EXOC4: variants seen among roughly 807,000 people sequenced by gnomAD.
EXOC4 encodes the protein exocyst complex component 4.
A neutral mutation model predicts 107.2 loss-of-function variants in EXOC4; 71 were observed. The ratio of observed to expected loss-of-function variants is 0.66; its 90% CI spans 0.55 to 0.81. The LOEUF is 0.81. Among genes scored for constraint, EXOC4 ranks in the 30% least tolerant of loss-of-function variants. The pLI, the probability that EXOC4 is intolerant of heterozygous loss-of-function variation, is 0.00. For synonymous variants in EXOC4, 456 were observed against 441.2 expected (o/e 1.03, Z -0.42); for missense variants, 1,108 against 1,189.6 (o/e 0.93, Z 1.01).
chr7:133,429,179 A>G (rs773750781), intron 7 of EXOC4, among the ~76,000 whole-genome samples: 2 of 152,224 alleles, frequency 1.3e-5, no homozygotes, highest in East Asian at 1.9e-4. Context: ...GTCTTAGAAT[A>G]TTAGAGAAAG....
chr7:133,256,754 T>G (rs926253763), intron 1 of EXOC4, among the ~76,000 whole-genome samples: 2 of 152,222 alleles, frequency 1.3e-5, no homozygotes, highest in African/African-American at 4.8e-5. Flanking sequence ...GCATTTATTG[T>G]TAGTCATTTT....
rs1413153437 is a variant in EXOC4 at position 133,355,547 on chromosome 7, C to G, written c.764-783C>G. 2.0e-5 allele frequency among the ~76,000 whole-genome samples: 3 copies of G among 152,094 alleles called. No homozygotes were observed. In the East Asian group the frequency reaches 5.8e-4, roughly 29 times the overall value. ...TCCTATCAGCAGTTCTCCCCTCTCT[C>G]CAACTTGCCACAGGGGTTAAAAACT... On this transcript the variant is annotated intron_variant, in intron 5 of 17. Transcript: ENST00000253861.
the EXOC4 span, among the ~76,000 whole-genome samples, chr7:134,077,886 T>G: frequency 1.3e-4 from 20 of 152,340 alleles, no homozygotes; most frequent in African/African-American, 4.3e-4. Flanking sequence ...TTGAAGTCAC[T>G]AGTTACAGAG....
intron 10 of EXOC4, among the ~76,000 whole-genome samples, chr7:133,699,100 G>T (rs956752134): frequency 6.6e-6 from 1 of 152,098 alleles, no homozygotes; most frequent in African/African-American, 2.4e-5. Flanking sequence ...CAGTAAAGAG[G>T]ATAGTTCGAA....
At chr7:134,098,594 G>T in the EXOC4 span, among the ~76,000 whole-genome samples, 12 of 152,190 alleles carry the variant, frequency 7.9e-5, no homozygotes, top group Non-Finnish European at 1.6e-4. Flanking sequence ...CAGTACTTCA[G>T]GGGTAGCAGT....
intron 11 of EXOC4, among the ~76,000 whole-genome samples, chr7:133,835,569 G>A (rs1331333789): frequency 1.3e-5 from 2 of 152,192 alleles, no homozygotes; most frequent in Non-Finnish European, 2.9e-5. Flanking sequence ...AGAATGGGAG[G>A]CAGGTTTGCC....
At chr7:134,053,012 A>G (rs1795832859) in intron 17 of EXOC4, among the ~76,000 whole-genome samples, 2 of 152,194 alleles carry the variant, frequency 1.3e-5, no homozygotes, top group African/African-American at 2.4e-5. Context: ...ATTGTATGCC[A>G]TACTTAATGA....
intron 10 of EXOC4, among the ~76,000 whole-genome samples, chr7:133,805,331 C>A (rs2542273): frequency 6.6e-6 from 1 of 152,032 alleles, no homozygotes; most frequent in African/African-American, 2.4e-5. Flanking sequence ...AGAAATAGAC[C>A]ACATGATCAT....
intron 9 of EXOC4, among the ~76,000 whole-genome samples, chr7:133,556,444 T>A (rs1445193144): frequency 6.6e-6 from 1 of 152,208 alleles, no homozygotes; most frequent in African/African-American, 2.4e-5. Flanking sequence ...GTTCAGTTCC[T>A]TATTGTTTCT....
chr7:133,253,128 A>T lies in EXOC4; in HGVS notation c.27A>T (p.Lys9Asn). MAAEAAGG[K>N]YRSTVSKSKD... ...TGGCGGCAGAAGCAGCTGGTGGGAAATACAGAAGCACAGTCAGCAAAAGCA... is the reference window on the plus strand; with the variant it reads ...TGGCGGCAGAAGCAGCTGGTGGGAATTACAGAAGCACAGTCAGCAAAAGCA... Residue 9 changes from lysine (K) to asparagine (N), a missense_variant, in exon 1 of 18, where the codon AAA (lysine) becomes AAT (asparagine). Lys to Asn is a moderately conservative substitution (Grantham distance 94). Coordinates refer to ENST00000253861, the MANE Select transcript of EXOC4 (RefSeq NM_021807.4). The T allele has an allele frequency of 1.2e-6, 2 of 1,614,192 alleles. No homozygotes were observed. The highest frequency in any genetic ancestry group is 8.5e-7 in the Non-Finnish European group (1 of 1,180,016).
intron 10 of EXOC4, among the ~76,000 whole-genome samples, chr7:133,714,942 A>G (rs935611995): frequency 1.3e-5 from 2 of 152,060 alleles, no homozygotes; most frequent in African/African-American, 2.4e-5. Context: ...CTGTGGTATG[A>G]TGGGGTAGGT....
chr7:133,569,174 T>C (rs1331975347), intron 9 of EXOC4, among the ~76,000 whole-genome samples: 2 of 151,978 alleles, frequency 1.3e-5, no homozygotes, highest in African/African-American at 4.8e-5. Flanking sequence ...AAGGCCAGAT[T>C]AATAATTAAG....
chr7:133,337,464 T>G (rs2150617739), intron 5 of EXOC4, among the ~76,000 whole-genome samples: 1 of 152,236 alleles, frequency 6.6e-6, no homozygotes, highest in Non-Finnish European at 1.5e-5. Context: ...TTTAAGCATT[T>G]TTGTCTCTAG....
intron 5 of EXOC4, among the ~76,000 whole-genome samples, chr7:133,330,270 C>G (rs1012043375): frequency 7.4e-4 from 113 of 152,092 alleles, no homozygotes; most frequent in African/African-American, 2.6e-3. Context: ...ACGCCCCTCC[C>G]CCCACCAAGC....
At chr7:133,471,888 T>C (rs1035112398) in intron 7 of EXOC4, among the ~76,000 whole-genome samples, 2 of 152,180 alleles carry the variant, frequency 1.3e-5, no homozygotes, top group Non-Finnish European at 2.9e-5. Context: ...TGAATACTTA[T>C]TGAATGATGT....
At chr7:134,064,175 C>G (rs1331777059) in intron 17 of EXOC4, 116 bp from the exon 18 acceptor site, 3 of 602,642 alleles carry the variant, frequency 5.0e-6, no homozygotes, top group Non-Finnish European at 8.1e-6. Context: ...ACACTGCCTG[C>G]TGATCAATCG....
At chr7:133,342,713 A>AT (rs35282424) in intron 5 of EXOC4, among the ~76,000 whole-genome samples, 2 of 150,670 alleles carry the variant, frequency 1.3e-5, no homozygotes, top group African/African-American at 4.9e-5. Flanking sequence ...AGCTTTGTTC[A>AT]TTTTTTTTTT....
chr7:133,872,439 G>A (rs2116401340), intron 11 of EXOC4, among the ~76,000 whole-genome samples: 1 of 152,236 alleles, frequency 6.6e-6, no homozygotes, highest in African/African-American at 2.4e-5. Flanking sequence ...AAAAACGCAA[G>A]CCGGGAGCTG....
At chr7:133,357,226 A>G (rs1181282378) in intron 6 of EXOC4, among the ~76,000 whole-genome samples, 1 of 152,240 alleles carries the variant, frequency 6.6e-6, no homozygotes, top group Non-Finnish European at 1.5e-5. Flanking sequence ...AAGGCAATTT[A>G]TGTATATTAT....
Sources: allele counts gnomAD v4.1 joint callset (sites outside exome capture counted in the v4.1 genomes callset), GRCh38; gene constraint gnomAD v4.1.1; transcripts MANE v1.5; gene names NCBI Gene and HGNC (gene_info 2026-07-23, HGNC 2026-07-21).